Variants in PCDHA11 observed in about 807,000 individuals in gnomAD.
The protein encoded by PCDHA11 is protocadherin alpha-11.
In PCDHA11, 61 loss-of-function variants were observed where a neutral mutation model predicts 70.3. That is an observed-to-expected ratio of 0.87 (90% CI 0.71 to 1.07). The LOEUF is 1.07. Among genes scored for constraint, PCDHA11 ranks in the 50% least tolerant of loss-of-function variants. The pLI is 0.00. For missense variants in PCDHA11, 1,324 were observed against 1,237.5 expected (o/e 1.07, Z -1.05); for synonymous variants, 633 against 555.1 (o/e 1.14, Z -1.97).
At chr5:140,947,635 G>T (rs1170525936) in intron 1 of PCDHA11, among the ~76,000 whole-genome samples, 1 of 151,538 alleles carries the variant, frequency 6.6e-6, no homozygotes, top group Non-Finnish European at 1.5e-5. Flanking sequence ...TCATCAGATC[G>T]TATGAACATA....
intron 1 of PCDHA11, among the ~76,000 whole-genome samples, chr5:140,948,351 A>C (rs951541212): frequency 6.6e-6 from 1 of 151,646 alleles, no homozygotes; most frequent in African/African-American, 2.4e-5. Flanking sequence ...TTCTAACCTA[A>C]TAAAATGACT....
At chr5:140,915,083 C>T in intron 1 of PCDHA11, among the ~76,000 whole-genome samples, 1 of 151,628 alleles carries the variant, frequency 6.6e-6, no homozygotes, top group East Asian at 1.9e-4. Flanking sequence ...GTAGCTGGGA[C>T]TATGGGCACG....
chr5:140,939,634 G>T (rs1032922800), intron 1 of PCDHA11, among the ~76,000 whole-genome samples: 12 of 152,184 alleles, frequency 7.9e-5, no homozygotes, highest in South Asian at 4.1e-4. Flanking sequence ...AATCAATAAG[G>T]GTACTGAAAA....
chr5:140,879,366 C>A (rs1363345702), intron 1 of PCDHA11, among the ~76,000 whole-genome samples: 1 of 152,156 alleles, frequency 6.6e-6, no homozygotes, highest in East Asian at 1.9e-4. Flanking sequence ...CATTAACCAA[C>A]CTGCAGAACA....
At chr5:140,946,575 G>A (rs1554217641) in intron 1 of PCDHA11, among the ~76,000 whole-genome samples, 3 of 140,788 alleles carry the variant, frequency 2.1e-5, no homozygotes, top group Non-Finnish European at 4.6e-5. Flanking sequence ...ATCAACTTAG[G>A]TGTTCATAGT....
chr5:140,884,497 C>T, intron 1 of PCDHA11: 1 of 1,614,042 alleles, frequency 6.2e-7, no homozygotes, highest in Non-Finnish European at 8.5e-7. Flanking sequence ...TGTGCTCCAG[C>T]GCGGCAGGGA....
chr5:140,886,841 A>AG (rs1432829346), intron 1 of PCDHA11, among the ~76,000 whole-genome samples: 1 of 151,546 alleles, frequency 6.6e-6, no homozygotes, highest in Non-Finnish European at 1.5e-5. Flanking sequence ...AAAAAAAAAA[A>AG]AAAAAAGAAA....
intron 1 of PCDHA11, among the ~76,000 whole-genome samples, chr5:140,910,225 T>C (rs1194368347): frequency 6.6e-6 from 1 of 152,232 alleles, no homozygotes; most frequent in Non-Finnish European, 1.5e-5. Flanking sequence ...TTTCTGCTTA[T>C]ATAAATTAAA....
At chr5:140,926,632 C>T in intron 1 of PCDHA11, 1 of 432,326 alleles carries the variant, frequency 2.3e-6, no homozygotes, top group Admixed American at 4.2e-5. Flanking sequence ...GCGCTGCGCT[C>T]CTCAACACCC....
At chr5:140,879,676 C>G (rs539657930) in intron 1 of PCDHA11, among the ~76,000 whole-genome samples, 1 of 152,308 alleles carries the variant, frequency 6.6e-6, no homozygotes, top group South Asian at 2.1e-4. Flanking sequence ...AAACTGGGTG[C>G]TGTAAAACAG....
intron 1 of PCDHA11, among the ~76,000 whole-genome samples, chr5:140,879,278 T>C (rs2057927174): frequency 6.6e-6 from 1 of 152,180 alleles, no homozygotes; most frequent in Non-Finnish European, 1.5e-5. Flanking sequence ...ACAGACTCAA[T>C]ACAAATGATA....
At chr5:140,993,123 C>G (rs925185301) in intron 3 of PCDHA11, among the ~76,000 whole-genome samples, 1 of 152,180 alleles carries the variant, frequency 6.6e-6, no homozygotes, top group African/African-American at 2.4e-5. Context: ...ACATCAATTT[C>G]CTTCTGTTGC....
intron 1 of PCDHA11, chr5:140,884,170 G>A (rs1333457358): frequency 1.4e-5 from 23 of 1,613,294 alleles, no homozygotes; most frequent in Non-Finnish European, 1.9e-5. Flanking sequence ...TCAGCACGAC[G>A]CGCCCTCTGG....
chr5:141,000,417 A>ATTTT (rs1563652061), intron 3 of PCDHA11, among the ~76,000 whole-genome samples: 4 of 77,746 alleles, frequency 5.1e-5, no homozygotes, highest in African/African-American at 1.1e-4. Flanking sequence ...ATATATATAT[A>ATTTT]TATATTTTTT....
intron 3 of PCDHA11, among the ~76,000 whole-genome samples, chr5:140,999,159 G>T (rs1056236953): frequency 6.6e-6 from 1 of 152,182 alleles, no homozygotes; most frequent in Non-Finnish European, 1.5e-5. Flanking sequence ...CAGTCCCCTA[G>T]AAGGAAAAGA....
intron 1 of PCDHA11, among the ~76,000 whole-genome samples, chr5:140,904,286 T>A (rs2071021710): frequency 6.6e-6 from 1 of 152,150 alleles, no homozygotes; most frequent in South Asian, 2.1e-4. Context: ...ATGTGGTGTT[T>A]GGTTTTCCAT....
intron 1 of PCDHA11, chr5:140,882,198 G>C (rs964999330): frequency 2.0e-6 from 3 of 1,525,466 alleles, no homozygotes; most frequent in African/African-American, 2.8e-5. Context: ...ATAAAAATTG[G>C]GCCTTGAGAG....
At chr5:140,882,531 C>A (rs781969592) in intron 1 of PCDHA11, 2 of 1,614,218 alleles carry the variant, frequency 1.2e-6, no homozygotes, top group Non-Finnish European at 1.7e-6. Context: ...TTTGTGAATT[C>A]TCGGATCGAC....
Position 141,011,490 on chromosome 5 carries a change from A to T in PCDHA11, c.*1553A>T, listed in dbSNP as rs2098420792. On this transcript the variant is annotated 3_prime_UTR_variant, in exon 4 of 4. Transcript: ENST00000398640. ...GTAATTCCATTATATTTCCTTTTGT[A>T]CACCTGTGAAAAAGTGGAGTAGTGT... The T allele has an allele frequency of 1.3e-5, 2 of 153,734 alleles. No homozygotes were observed. The highest frequency in any genetic ancestry group is 2.9e-5 in the Non-Finnish European group (2 of 68,036). 9.5% of individuals were successfully genotyped at this position (153,734 alleles called of 1,614,324 possible). A position where few individuals can be genotyped will look rare whatever the true frequency, so the allele number is the denominator to read the frequency against.
Sources: allele counts gnomAD v4.1 joint callset (sites outside exome capture counted in the v4.1 genomes callset), GRCh38; gene constraint gnomAD v4.1.1; transcripts MANE v1.5; gene names NCBI Gene and HGNC (gene_info 2026-07-23, HGNC 2026-07-21).